The following HYCC2 variants were observed in gnomAD, a reference collection of about 807,000 sequenced individuals.
The protein encoded by HYCC2 is hyccin PI4KA lipid kinase complex subunit 2.
the HYCC2 span, among the ~76,000 whole-genome samples, chr2:201,042,713 G>A: frequency 1.3e-5 from 2 of 149,122 alleles, no homozygotes; most frequent in African/African-American, 2.5e-5. Flanking sequence ...GGCAGCCCCC[G>A]CCCGGCCAGC....
chr2:201,042,399 G>A, the HYCC2 span, among the ~76,000 whole-genome samples: 9 of 151,758 alleles, frequency 5.9e-5, no homozygotes, highest in Non-Finnish European at 1.2e-4. Flanking sequence ...AGTGAGGAGC[G>A]TCTCTGCCCG....
At chr2:201,030,381 A>T in the HYCC2 span, among the ~76,000 whole-genome samples, 1 of 151,998 alleles carries the variant, frequency 6.6e-6, no homozygotes, top group Admixed American at 6.6e-5. Flanking sequence ...AAAAAAATGG[A>T]ACTTAGCCCA....
chr2:201,051,600 T>C, the HYCC2 span, among the ~76,000 whole-genome samples: 3 of 152,068 alleles, frequency 2.0e-5, no homozygotes, highest in Non-Finnish European at 4.4e-5. Flanking sequence ...AAAATAAGAC[T>C]AGAAATAAAT....
At chr2:201,037,865 T>C in the HYCC2 span, among the ~76,000 whole-genome samples, 1 of 152,072 alleles carries the variant, frequency 6.6e-6, no homozygotes, top group Non-Finnish European at 1.5e-5. Context: ...CCAAAAGTAA[T>C]GGCAACAAAA....
the HYCC2 span, among the ~76,000 whole-genome samples, chr2:201,053,240 G>A: frequency 8.6e-5 from 13 of 151,680 alleles, no homozygotes; most frequent in East Asian, 5.8e-4. Flanking sequence ...CTCCAGCCTC[G>A]GCCTCTCAAG....
the HYCC2 span, among the ~76,000 whole-genome samples, chr2:201,065,047 G>C: frequency 2.0e-5 from 3 of 152,186 alleles, no homozygotes; most frequent in African/African-American, 7.2e-5. Flanking sequence ...CACATAGGTA[G>C]ACTCATGTAA....
the HYCC2 span, chr2:200,992,803 G>T: frequency 1.2e-6 from 1 of 862,234 alleles, no homozygotes; most frequent in Non-Finnish European, 1.9e-6. Context: ...ATTCAGTATT[G>T]TGTCGGATAA....
At chr2:201,010,868 C>T in the HYCC2 span, among the ~76,000 whole-genome samples, 1 of 151,738 alleles carries the variant, frequency 6.6e-6, no homozygotes, top group South Asian at 2.1e-4. Flanking sequence ...ATGGTAGAGT[C>T]AGGCGTGGTG....
chr2:201,045,843 T>G, the HYCC2 span, among the ~76,000 whole-genome samples: 18 of 152,296 alleles, frequency 1.2e-4, no homozygotes, highest in East Asian at 3.5e-3. Context: ...TATAAGACCT[T>G]GAGTAGATTA....
chr2:201,069,425 C>A, the HYCC2 span, among the ~76,000 whole-genome samples: 1 of 152,050 alleles, frequency 6.6e-6, no homozygotes, highest in African/African-American at 2.4e-5. Context: ...TCTTTAGCTA[C>A]TTGGTAATTT....
chr2:200,998,782 TA>T, the HYCC2 span, among the ~76,000 whole-genome samples: 12 of 152,216 alleles, frequency 7.9e-5, no homozygotes, highest in Non-Finnish European at 1.6e-4. Flanking sequence ...GTTGTACCTC[TA>T]AAAAGCTTCC....
chr2:201,010,239 T>C, the HYCC2 span, among the ~76,000 whole-genome samples: 1 of 152,342 alleles, frequency 6.6e-6, no homozygotes. Flanking sequence ...AAATGATTCC[T>C]GGCTAAATGG....
chr2:201,002,802 C>T, the HYCC2 span, among the ~76,000 whole-genome samples: 1 of 152,098 alleles, frequency 6.6e-6, no homozygotes, highest in Non-Finnish European at 1.5e-5. Context: ...GGATTACAAG[C>T]GTGAGCCACT....
the HYCC2 span, among the ~76,000 whole-genome samples, chr2:201,050,610 A>AG: frequency 6.6e-6 from 1 of 151,494 alleles, no homozygotes; most frequent in East Asian, 1.9e-4. Flanking sequence ...AAAAAAAAAA[A>AG]AAAAGGAATA....
At chr2:201,040,128 G>A in the HYCC2 span, among the ~76,000 whole-genome samples, 4 of 150,782 alleles carry the variant, frequency 2.7e-5, no homozygotes, top group Non-Finnish European at 5.9e-5. Flanking sequence ...AGCCGAGACC[G>A]CGCCACTGCA....
the HYCC2 span, chr2:201,022,420 A>C: frequency 3.6e-6 from 1 of 275,382 alleles, no homozygotes; most frequent in South Asian, 3.5e-5. Context: ...GTTTGATTTC[A>C]CTGACTAGAG....
the HYCC2 span, among the ~76,000 whole-genome samples, chr2:201,026,113 G>A: frequency 6.6e-6 from 1 of 152,138 alleles, no homozygotes; most frequent in Admixed American, 6.6e-5. Flanking sequence ...TAAAGGGATG[G>A]AGGAAGAGCT....
the HYCC2 span, chr2:200,981,093 G>C: frequency 2.8e-6 from 2 of 713,322 alleles, no homozygotes; most frequent in Non-Finnish European, 4.6e-6. The surrounding 1 kb of genome is among the most constrained non-coding windows in gnomAD (Gnocchi z 4.5). Context: ...ATGTAGGAAA[G>C]AGGGATAAAG....
At chr2:200,980,651 T>G in the HYCC2 span, 1 of 153,138 alleles carries the variant, frequency 6.5e-6, no homozygotes, top group South Asian at 2.1e-4. Context: ...AATTGAACAT[T>G]TATGTCTTCG....
Sources: gnomAD v4.1 joint callset for allele counts (sites outside exome capture counted in the v4.1 genomes callset) on GRCh38, gnomAD v4.1.1 for gene constraint, Gnocchi (gnomAD v3.1) non-coding constraint, MANE v1.5 for transcripts, NCBI Gene and HGNC (gene_info 2026-07-23, HGNC 2026-07-21) for gene names.